Variants in AP5B1 observed in about 807,000 individuals in gnomAD.
AP5B1 encodes AP-5 complex subunit beta-1.
A neutral mutation model predicts 5.7 loss-of-function variants in AP5B1; 3 were observed. The observed-to-expected ratio is 0.53, with a 90% CI of 0.24 to 1.36. AP5B1 has a LOEUF of 1.36. Among genes scored for constraint, AP5B1 ranks in the 40% most tolerant of loss-of-function variants. The pLI, the probability that AP5B1 is intolerant of heterozygous loss-of-function variation, is 0.17. For missense variants in AP5B1, 1,310 were observed against 1,143.2 expected (o/e 1.15, Z -2.10); for synonymous variants, 696 against 555.5 (o/e 1.25, Z -3.56).
chr11:65,779,418 C>G lies in AP5B1; in HGVS notation c.1075G>C (p.Ala359Pro), dbSNP rs1857813911. 1 of 1,606,970 alleles carries G rather than the reference C, an allele frequency of 6.2e-7. No individual in the cohort carries two copies. Among genetic ancestry groups the G allele is most frequent in the Non-Finnish European group, 8.5e-7 (1 of 1,176,842 alleles). The change falls in exon 2 of 2, where the codon GCT becomes CCT. Residue 359 changes from alanine (A) to proline (P), a missense_variant. Transcript: ENST00000532090. ...RRLTLAAQHP[A>P]LPPPTHLFYL... ...AAGAGATGGGTGGGCGGAGGCAGAG[C>G]AGGGTGCTGGGCAGCCAAGGTGAGC...
rs543378135 is a variant in AP5B1 at position 65,779,428 on chromosome 11, G to A, written c.1065C>T (p.Ala355=). ...TGGGCGGAGGCAGAGCAGGGTGCTG[G>A]GCAGCCAAGGTGAGCCGGCGGAGCA... ...ALLLRRLTLA[A]QHPALPPPTH... is the part of the protein sequence containing the mutation. Residue 355 remains alanine, a synonymous_variant, in exon 2 of 2, where the codon GCC becomes GCT. Coordinates refer to ENST00000532090, the MANE Select transcript of AP5B1 (RefSeq NM_138368.5). 3.4e-5 allele frequency: 55 copies of A among 1,608,322 alleles called. No individual in the cohort carries two copies. The East Asian group carries it at 1.0e-3, about 29-fold the overall frequency.
Position 65,778,181 on chromosome 11 carries a change from G to A in AP5B1, c.2312C>T (p.Pro771Leu), listed in dbSNP as rs377331841. 1.3e-5 allele frequency: 21 copies of A among 1,613,002 alleles called. No homozygotes were observed. Among genetic ancestry groups the A allele is most frequent in the Admixed American group, 1.7e-5 (1 of 60,014 alleles). ...CAGCCCGGCCCCCTCTGGAGGCTGC[G>A]GGAAAGGCAGAAAGAGGTCGGCAAA... ...VNFADLFLPF[P>L]QPPEGAGLGF... The change falls in exon 2 of 2, where the codon CCG becomes CTG. Residue 771 changes from proline to leucine, a missense_variant. Coordinates refer to ENST00000532090, the MANE Select transcript of AP5B1 (RefSeq NM_138368.5).
At position 65,778,792 on chromosome 11, in the gene AP5B1, G is replaced by A; in HGVS notation, c.1701C>T (p.Cys567=). ...LNFLQAAAAH[C]TNWDLQQGLL... ...GGCCCTGCTGTAGGTCCCAGTTCGTGCAGTGGGCAGCCGCGGCCTGTAGAA... is the reference window on the plus strand; with the variant it reads ...GGCCCTGCTGTAGGTCCCAGTTCGTACAGTGGGCAGCCGCGGCCTGTAGAA... Residue 567 remains cysteine, a synonymous_variant, in exon 2 of 2, where the codon TGC becomes TGT. Transcript: ENST00000532090. 2 of 1,611,518 alleles carry A rather than the reference G, an allele frequency of 1.2e-6. No individual in the cohort carries two copies. The highest frequency in any genetic ancestry group is 2.2e-5 in the East Asian group (1 of 44,864).
At position 65,774,208 on chromosome 11, in the gene AP5B1, G is replaced by A. The variant is rs1373015341; in HGVS notation, c.*3648C>T. ...GCCACGAGGTGGCATCTGTTCAGTC[G>A]GTGGGGTTTTAGGATTTTTAGTTTA... On this transcript the variant is annotated 3_prime_UTR_variant, in exon 2 of 2. Transcript: ENST00000532090. Among the ~76,000 whole-genome samples the A allele has an allele frequency of 6.6e-6, 1 of 152,200 alleles. No homozygotes were observed. Among genetic ancestry groups the A allele is most frequent in the Non-Finnish European group, 1.5e-5 (1 of 68,032 alleles).
In AP5B1 at chr11:65,776,750, GTCTT is replaced by G. The variant is rs540223442; in HGVS notation, c.*1102_*1105del. On this transcript the variant is annotated 3_prime_UTR_variant, in exon 2 of 2. Transcript: ENST00000532090. The stretch of plus-strand genomic sequence containing the variant: ...GGAAGCTCTCCACCTGGCCACTGCT[GTCTT>G]TCTGTTTCTGGCTTAGGCCCACTGG... 36 of 152,400 alleles carry G rather than the reference GTCTT, an allele frequency of 2.4e-4. No homozygotes were observed. Among genetic ancestry groups the G allele is most frequent in the Admixed American group, 1.3e-3 (20 of 15,306 alleles). The allele number at this position is 152,400 out of a possible 1,614,324, so 9.4% of individuals were successfully genotyped here. A position where few individuals can be genotyped will look rare whatever the true frequency, so the allele number is the denominator to read the frequency against.
At position 65,779,750 on chromosome 11, in the gene AP5B1, C is replaced by T; in HGVS notation, c.743G>A (p.Gly248Glu). ...QAPSWPAAEE[G>E]EGERSLTARE... Reference sequence around the variant, plus strand: ...TGCTGTAAGGCTACGCTCCCCCTCTCCCTCCTCAGCTGCCGGCCAGCTGGG... The same window carrying T: ...TGCTGTAAGGCTACGCTCCCCCTCTTCCTCCTCAGCTGCCGGCCAGCTGGG... The change falls in exon 2 of 2, where the codon GGA becomes GAA. Residue 248 changes from glycine to glutamate, a missense_variant. Coordinates refer to ENST00000532090, the MANE Select transcript of AP5B1 (RefSeq NM_138368.5). 3 of 1,592,538 alleles carry T rather than the reference C, an allele frequency of 1.9e-6. No individual in the cohort carries two copies. Among genetic ancestry groups the T allele is most frequent in the Admixed American group, 1.8e-5 (1 of 57,022 alleles).
At position 65,780,137 on chromosome 11, in the gene AP5B1, C is replaced by T; in HGVS notation, c.356G>A (p.Arg119Gln). The change falls in exon 2 of 2, where the codon CGG (arginine) becomes CAG (glutamine). Residue 119 changes from arginine to glutamine, a missense_variant. Arg to Gln is a conservative substitution (Grantham distance 43, BLOSUM62 1). Transcript: ENST00000532090. Reference sequence around the variant, plus strand: ...CAGGCCGAGCAGTAGGGGCAGGAGCCGGCAGGAGGCGCCCGAGGTGGGGCC... The same window carrying T: ...CAGGCCGAGCAGTAGGGGCAGGAGCTGGCAGGAGGCGCCCGAGGTGGGGCC... ...ALGPTSGASC[R>Q]LLPLLLGLAA... 1 of 1,477,364 alleles carries T rather than the reference C, an allele frequency of 6.8e-7. No homozygotes were observed. The highest frequency in any genetic ancestry group is 8.9e-7 in the Non-Finnish European group (1 of 1,117,456). The allele number at this position is 1,477,364 out of a possible 1,614,324, so 91.5% of individuals were successfully genotyped here. A position where few individuals can be genotyped will look rare whatever the true frequency, so the allele number is the denominator to read the frequency against.
In AP5B1 at chr11:65,774,537, G is replaced by A. The variant is rs763634717; in HGVS notation, c.*3319C>T. On this transcript the variant is annotated 3_prime_UTR_variant, in exon 2 of 2. Transcript: ENST00000532090. ...AGCGATTCTCCTGCCTCAGCCTCCT[G>A]AGTAGCTGGGATTATGAGCACGCCA... is the stretch of plus-strand genomic sequence containing the variant. Among the ~76,000 whole-genome samples the A allele has an allele frequency of 1.9e-4, 29 of 152,126 alleles. No individual in the cohort carries two copies. Among genetic ancestry groups the A allele is most frequent in the Non-Finnish European group, 4.4e-5 (3 of 68,020 alleles).
chr11:65,779,127 C>T lies in AP5B1; in HGVS notation c.1366G>A (p.Gly456Arg). 1.2e-6 allele frequency: 2 copies of T among 1,609,084 alleles called. No homozygotes were observed. The highest frequency in any genetic ancestry group is 1.7e-6 in the Non-Finnish European group (2 of 1,178,424). Residue 456 changes from glycine to arginine, a missense_variant, in exon 2 of 2, where the codon GGG (glycine) becomes AGG (arginine). Gly to Arg is a moderately radical substitution (Grantham distance 125). Coordinates refer to ENST00000532090, the MANE Select transcript of AP5B1 (RefSeq NM_138368.5). ...AGLRQRAALD[G>R]GPRALATLCF... ...AGAGTGGCCAAGGCCCGGGGGCCCC[C>T]ATCCAGGGCTGCCCGCTGCCGCAAG...
Position 65,780,226 on chromosome 11 carries a change from G to T in AP5B1, c.267C>A (p.Pro89=). 1 of 1,511,038 alleles carries T rather than the reference G, an allele frequency of 6.6e-7. No individual in the cohort carries two copies. Among genetic ancestry groups the T allele is most frequent in the Admixed American group, 2.3e-5 (1 of 43,706 alleles). The allele number at this position is 1,511,038 out of a possible 1,614,324, so 93.6% of individuals were successfully genotyped here. A position where few individuals can be genotyped will look rare whatever the true frequency, so the allele number is the denominator to read the frequency against. Residue 89 remains proline (P), a synonymous_variant, in exon 2 of 2, where the codon CCC becomes CCA. Transcript: ENST00000532090. ...LDTLVLLPPR[P]SALRRPLLLA... The stretch of plus-strand genomic sequence containing the variant: ...GCAGCAGTGGCCGACGGAGAGCTGA[G>T]GGCCGCGGGGGTAGGAGGACCAAGG...
chr11:65,779,558 A>G lies in AP5B1; in HGVS notation c.935T>C (p.Leu312Pro). 6.2e-7 allele frequency: 1 copy of G among 1,608,688 alleles called. No individual in the cohort carries two copies. The highest frequency in any genetic ancestry group is 1.1e-5 in the South Asian group (1 of 90,866). Residue 312 changes from leucine to proline, a missense_variant, in exon 2 of 2, where the codon CTG becomes CCG. Transcript: ENST00000532090. The part of the protein sequence containing the change: ...GQPPALFKPQ[L>P]VRLLGTAQLT... ...CTGTGCTGTGCCTAGCAGCCGTACC[A>G]GCTGCGGCTTGAAGAGTGCCGGTGG...
chr11:65,774,957 G>A lies in AP5B1; in HGVS notation c.*2899C>T, dbSNP rs199978959. Among the ~76,000 whole-genome samples, 21 of 152,352 alleles carry A rather than the reference G, an allele frequency of 1.4e-4. No individual in the cohort carries two copies. In the East Asian group the frequency reaches 3.3e-3, roughly 24 times the overall value. On this transcript the variant is annotated 3_prime_UTR_variant, in exon 2 of 2. Coordinates refer to ENST00000532090, the MANE Select transcript of AP5B1 (RefSeq NM_138368.5). ...AGCAGTGTGTGATTCTGAGGACACAGAGGGCTGGGGTCTAGGAGCTATCTC... is the reference window on the plus strand; with the variant it reads ...AGCAGTGTGTGATTCTGAGGACACAAAGGGCTGGGGTCTAGGAGCTATCTC...
rs1857798670 is a variant in AP5B1, at chr11:65,778,622, GC to G, written c.1870del (p.Ala624HisfsTer32). ...LYYILLAHLA[A>X]PKLGVALGPS... ...GCCCAGGGCCACCCCCAACTTGGGT[GC>G]TGCCAGGTGTGCCAGCAGGATGTAG... is the stretch of plus-strand genomic sequence containing the variant. On this transcript the variant is annotated frameshift_variant, in exon 2 of 2. Transcript: ENST00000532090. LOFTEE classifies it low-confidence loss of function (END_TRUNC). 2 of 1,594,878 alleles carry G rather than the reference GC, an allele frequency of 1.3e-6. No individual in the cohort carries two copies. The highest frequency in any genetic ancestry group is 2.7e-5 in the African/African-American group (2 of 74,750).
chr11:65,780,685 G>A lies in AP5B1; in HGVS notation c.-94C>T. 7.9e-7 allele frequency: 1 copy of A among 1,261,126 alleles called. No homozygotes were observed. Among genetic ancestry groups the A allele is most frequent in the Non-Finnish European group, 1.0e-6 (1 of 992,586 alleles). The allele number at this position is 1,261,126 out of a possible 1,614,324, so 78.1% of individuals were successfully genotyped here. A position where few individuals can be genotyped will look rare whatever the true frequency, so the allele number is the denominator to read the frequency against. On this transcript the variant is annotated 5_prime_UTR_variant, in exon 1 of 2. Transcript: ENST00000532090. ...CCGCTGCCGACCCCGAGGGGCTGCG[G>A]TCACCCCCAGACGCCGCGCAGATGC...
At position 65,780,516 on chromosome 11, in the gene AP5B1, C is replaced by T; in HGVS notation, c.76G>A (p.Gly26Ser). 1 of 1,519,786 alleles carries T rather than the reference C, an allele frequency of 6.6e-7. No homozygotes were observed. 94.1% of individuals were successfully genotyped at this position (1,519,786 alleles called of 1,614,324 possible). ...CGACCCAAATCCTCCCCCTCGGGAC[C>T]TGCCATGAAGGCAGACGGGCTGGCC... ...FRASPSAFMA[G>S]PEGEDLGRDL... Residue 26 changes from glycine to serine, a missense_variant, in exon 1 of 2, where the codon GGT (glycine) becomes AGT (serine). Transcript: ENST00000532090.
At position 65,775,598 on chromosome 11, in the gene AP5B1, AGCTTCCTGGGT is replaced by A. The variant is rs1197996019; in HGVS notation, c.*2247_*2257del. Among the ~76,000 whole-genome samples, 1 of 152,174 alleles carries A rather than the reference AGCTTCCTGGGT, an allele frequency of 6.6e-6. No individual in the cohort carries two copies. Among genetic ancestry groups the A allele is most frequent in the Non-Finnish European group, 1.5e-5 (1 of 68,024 alleles). On this transcript the variant is annotated 3_prime_UTR_variant, in exon 2 of 2. Transcript: ENST00000532090. The stretch of plus-strand genomic sequence containing the variant: ...ACCCCATGTCCCAGGGCCCAAGCCC[AGCTTCCTGGGT>A]GCTTACAGGGGATGGCAGGCAGGAC...
rs750039615 is a variant in AP5B1 at position 65,778,154 on chromosome 11, C to G, written c.2339G>C (p.Gly780Ala). Reference protein sequence around the residue: ...FPQPPEGAGLGFFEELWDSCL... With the variant: ...FPQPPEGAGLAFFEELWDSCL... The stretch of plus-strand genomic sequence containing the variant: ...GGAATCCCAGAGCTCCTCAAAGAAG[C>G]CCAGCCCGGCCCCCTCTGGAGGCTG... Residue 780 changes from glycine to alanine, a missense_variant, in exon 2 of 2, where the codon GGC becomes GCC. Physicochemically the swap from Gly to Ala is moderately conservative, Grantham distance 60. Transcript: ENST00000532090. 2.1e-5 allele frequency: 34 copies of G among 1,612,828 alleles called. No homozygotes were observed. The African/African-American group carries it at 4.4e-4, about 21-fold the overall frequency.
In AP5B1 at chr11:65,778,679, T is replaced by C; in HGVS notation, c.1814A>G (p.Asp605Gly). The change falls in exon 2 of 2, where the codon GAC becomes GGC. Residue 605 changes from aspartate to glycine, a missense_variant. Physicochemically the swap from Asp to Gly is moderately conservative, Grantham distance 94. Coordinates refer to ENST00000532090, the MANE Select transcript of AP5B1 (RefSeq NM_138368.5). ...LLQVLARQLE[D>G]PDGRDHARLY... ...GCGGGCGTGGTCACGCCCATCAGGG[T>C]CCTCCAGCTGCCTGGCCAGCACCTG... The C allele has an allele frequency of 6.4e-7, 1 of 1,567,464 alleles. No homozygotes were observed.
chr11:65,780,228 G>T lies in AP5B1; in HGVS notation c.265C>A (p.Pro89Thr). 1 of 1,511,776 alleles carries T rather than the reference G, an allele frequency of 6.6e-7. No homozygotes were observed. The highest frequency in any genetic ancestry group is 8.8e-7 in the Non-Finnish European group (1 of 1,133,654). 93.6% of individuals were successfully genotyped at this position (1,511,776 alleles called of 1,614,324 possible). ...LDTLVLLPPR[P>T]SALRRPLLLA... ...AGCAGTGGCCGACGGAGAGCTGAGG[G>T]CCGCGGGGGTAGGAGGACCAAGGTG... The change falls in exon 2 of 2, where the codon CCC becomes ACC. Residue 89 changes from proline (P) to threonine (T), a missense_variant. Physicochemically the swap from Pro to Thr is conservative, Grantham distance 38. Transcript: ENST00000532090.
Sources: allele counts gnomAD v4.1 joint callset (sites outside exome capture counted in the v4.1 genomes callset), GRCh38; gene constraint gnomAD v4.1.1; transcripts MANE v1.5; gene names NCBI Gene and HGNC (gene_info 2026-07-23, HGNC 2026-07-21).